TRDN: variants seen among roughly 807,000 people sequenced by gnomAD.
TRDN encodes triadin, also known as triadin in skeletal muscle.
TRDN carries 161 observed loss-of-function variants against 149.7 expected under a neutral mutation model. The ratio of observed to expected loss-of-function variants is 1.08; its 90% CI spans 0.95 to 1.23. The LOEUF is 1.23. Ranked by LOEUF, TRDN falls within the 50% of genes most tolerant of loss-of-function variation. The pLI is 0.00. For missense variants in TRDN, 896 were observed against 823.5 expected, an observed-to-expected ratio of 1.09 and a Z score of -1.08; for synonymous variants, 294 against 250.5, an observed-to-expected ratio of 1.17 and a Z score of -1.64.
intron 40 of TRDN, among the ~76,000 whole-genome samples, chr6:123,220,562 T>G (rs1775110483): frequency 6.6e-6 from 1 of 151,822 alleles, no homozygotes; most frequent in South Asian, 2.1e-4. Flanking sequence ...CCTTATTATA[T>G]GAAGGATTAT....
intron 10 of TRDN, chr6:123,457,589 A>G (rs1776205683): frequency 2.3e-6 from 1 of 441,498 alleles, no homozygotes; most frequent in Non-Finnish European, 4.5e-6. Flanking sequence ...ATGCTTTGTC[A>G]CCTATTTGTT....
intron 1 of TRDN, among the ~76,000 whole-genome samples, chr6:123,605,445 G>A (rs919852077): frequency 2.0e-5 from 3 of 151,666 alleles, no homozygotes; most frequent in Admixed American, 2.0e-4. Flanking sequence ...TGTGTAAGAT[G>A]ATTCATATGA....
In TRDN at chr6:123,298,180, G is replaced by T. The variant is rs75054637; in HGVS notation, c.1510+18277C>A. Among the ~76,000 whole-genome samples the T allele has an allele frequency of 6.1e-3, 922 of 152,070 alleles. 4 individuals carry two copies. Among genetic ancestry groups the T allele is most frequent in the Non-Finnish European group, 9.8e-3 (665 of 67,924 alleles). ...TTAGTTAAAAGAAAGAAAAACCGGG[G>T]ATTGGGACTAGGTTCTAATAATGAA... On this transcript the variant is annotated intron_variant, in intron 24 of 40. Transcript: ENST00000334268.
Position 123,377,760 on chromosome 6 carries a change from G to GA in TRDN, c.1220-19dup, listed in dbSNP as rs750105897. On this transcript the variant is annotated intron_variant, in intron 17 of 40. Coordinates refer to ENST00000334268, the MANE Select transcript of TRDN (RefSeq NM_006073.4). ...TGACTTTGCTGTATCAAAAAGGAAAGAAAAAAAAATCAGCATTCTATGTCA... is the reference window on the plus strand; with the variant it reads ...TGACTTTGCTGTATCAAAAAGGAAAGAAAAAAAAAATCAGCATTCTATGTCA... 197 of 1,597,944 alleles carry GA rather than the reference G, an allele frequency of 1.2e-4. No individual in the cohort carries two copies. Among genetic ancestry groups the GA allele is most frequent in the African/African-American group, 9.0e-4 (66 of 73,666 alleles).
intron 9 of TRDN, among the ~76,000 whole-genome samples, chr6:123,484,799 A>G (rs1387263496): frequency 6.6e-6 from 1 of 152,204 alleles, no homozygotes; most frequent in East Asian, 1.9e-4. Flanking sequence ...GAAAAAGCTT[A>G]AGCCTTCATT....
At chr6:123,450,195 G>T (rs184712856) in intron 10 of TRDN, among the ~76,000 whole-genome samples, 13 of 152,082 alleles carry the variant, frequency 8.5e-5, no homozygotes, top group Admixed American at 8.5e-4. Flanking sequence ...AAGTACACAG[G>T]CAACAAAGAG....
chr6:123,265,172 A>G (rs1776896405), intron 33 of TRDN, 146 bp downstream of exon 33: 2 of 565,862 alleles, frequency 3.5e-6, no homozygotes, highest in South Asian at 3.0e-5. Context: ...TCCTTTGTCA[A>G]CCAGACTCAC....
intron 1 of TRDN, among the ~76,000 whole-genome samples, chr6:123,603,288 A>C (rs1361279781): frequency 6.6e-6 from 1 of 152,016 alleles, no homozygotes; most frequent in African/African-American, 2.4e-5. Context: ...TATCTTTCTA[A>C]TCAAACCCAA....
intron 35 of TRDN, among the ~76,000 whole-genome samples, chr6:123,259,307 G>C (rs1776674872): frequency 1.3e-5 from 2 of 151,920 alleles, no homozygotes; most frequent in African/African-American, 4.8e-5. Context: ...CTTAAGGTGA[G>C]GAATTGAATT....
intron 21 of TRDN, among the ~76,000 whole-genome samples, chr6:123,346,250 T>A (rs1780241431): frequency 6.6e-6 from 1 of 152,054 alleles, no homozygotes; most frequent in South Asian, 2.1e-4. Context: ...GGTGTTAGAT[T>A]TTCTCAAATG....
chr6:123,513,508 T>A (rs1183360078), intron 6 of TRDN, among the ~76,000 whole-genome samples: 1 of 152,102 alleles, frequency 6.6e-6, no homozygotes, highest in Non-Finnish European at 1.5e-5. Flanking sequence ...TAGCAGATTA[T>A]TTCATTGAGT....
intron 5 of TRDN, among the ~76,000 whole-genome samples, chr6:123,520,604 G>A (rs1779626230): frequency 6.6e-6 from 1 of 152,110 alleles, no homozygotes; most frequent in Non-Finnish European, 1.5e-5. Context: ...TGAAGATCAG[G>A]CAAATTACCC....
At chr6:123,247,081 T>G (rs900076859) in intron 38 of TRDN, among the ~76,000 whole-genome samples, 3 of 152,130 alleles carry the variant, frequency 2.0e-5, no homozygotes, top group Non-Finnish European at 4.4e-5. Context: ...CTCAATAAAC[T>G]AGGTATTGAT....
intron 2 of TRDN, among the ~76,000 whole-genome samples, chr6:123,568,710 G>A (rs1268254386): frequency 1.3e-5 from 2 of 152,144 alleles, no homozygotes; most frequent in Non-Finnish European, 2.9e-5. Flanking sequence ...CAAAATATAG[G>A]CAGCACTCTT....
chr6:123,531,129 A>G (rs1482198937), intron 4 of TRDN, among the ~76,000 whole-genome samples: 2 of 152,026 alleles, frequency 1.3e-5, no homozygotes, highest in African/African-American at 4.8e-5. Flanking sequence ...TTTTCTAAAC[A>G]TCAGGTTTTA....
intron 18 of TRDN, 114 bp from the exon 19 acceptor site, chr6:123,375,745 A>G: frequency 1.2e-6 from 1 of 834,590 alleles, no homozygotes; most frequent in Non-Finnish European, 1.7e-6. Context: ...TAATATTGGA[A>G]GCTAAAGAAA....
chr6:123,612,060 A>G (rs1309449334), intron 1 of TRDN, among the ~76,000 whole-genome samples: 1 of 151,764 alleles, frequency 6.6e-6, no homozygotes, highest in East Asian at 1.9e-4. Flanking sequence ...AAGAGTCTCT[A>G]TAAAGACAGT....
chr6:123,511,628 A>G (rs1180892337), intron 7 of TRDN, among the ~76,000 whole-genome samples: 1 of 152,132 alleles, frequency 6.6e-6, no homozygotes, highest in Non-Finnish European at 1.5e-5. Context: ...AAACTTAGCC[A>G]CTTAAAATAA....
At chr6:123,486,652 A>C (rs1015775080) in intron 9 of TRDN, among the ~76,000 whole-genome samples, 3 of 151,748 alleles carry the variant, frequency 2.0e-5, no homozygotes, top group Non-Finnish European at 4.4e-5. Flanking sequence ...TATAGGCATT[A>C]ATCATATTAA....
Sources: allele counts gnomAD v4.1 joint callset (sites outside exome capture counted in the v4.1 genomes callset), GRCh38; gene constraint gnomAD v4.1.1; transcripts MANE v1.5; gene names NCBI Gene and HGNC (gene_info 2026-07-23, HGNC 2026-07-21).